Variants in NCAM1 observed in about 807,000 individuals in gnomAD.
NCAM1 encodes the protein neural cell adhesion molecule 1, also known as antigen recognized by monoclonal antibody 5.1H11.
In NCAM1, 14 loss-of-function variants were observed where a neutral mutation model predicts 109.8. The ratio of observed to expected loss-of-function variants is 0.13; its 90% confidence interval spans 0.08 to 0.20. The LOEUF is 0.20. Ranked by LOEUF, NCAM1 falls within the 10% of genes least tolerant of loss-of-function variation. NCAM1 has a pLI of 1.00. For missense variants in NCAM1, 774 were observed against 1,109.9 expected (o/e 0.70, Z 4.30); for synonymous variants, 418 against 442.9 (o/e 0.94, Z 0.70).
At position 112,982,724 on chromosome 11, in the gene NCAM1, G is replaced by C. The variant is rs560918380; in HGVS notation, c.52+21060G>C. ...ATTTAGATTTCAGGTGAGGCGCATG[G>C]TAAGAGTAAATGTCACTAGCAACAG... is the stretch of plus-strand genomic sequence containing the variant. On this transcript the variant is annotated intron_variant, in intron 1 of 19. Coordinates refer to ENST00000316851, the MANE Select transcript of NCAM1 (RefSeq NM_181351.5). 3.3e-5 allele frequency among the ~76,000 whole-genome samples: 5 copies of C among 152,002 alleles called. No individual in the cohort carries two copies. In the South Asian group the frequency reaches 8.3e-4, roughly 25 times the overall value.
At chr11:113,222,741 G>C (rs45591640) in intron 9 of NCAM1, among the ~76,000 whole-genome samples, 24 of 152,190 alleles carry the variant, frequency 1.6e-4, no homozygotes, top group Non-Finnish European at 2.6e-4. Context: ...TTATCAGGGA[G>C]CATTAAGGAG....
intron 1 of NCAM1, among the ~76,000 whole-genome samples, chr11:113,053,615 G>A (rs1344580684): frequency 9.2e-5 from 14 of 152,140 alleles, no homozygotes; most frequent in African/African-American, 2.9e-4. Flanking sequence ...CTGGTATGAG[G>A]ATGGTAAAGA....
chr11:113,068,554 A>G (rs956510568), intron 1 of NCAM1, among the ~76,000 whole-genome samples: 1 of 152,222 alleles, frequency 6.6e-6, no homozygotes, highest in East Asian at 1.9e-4. Context: ...CTGTAATCAT[A>G]TAGGTTGTTC....
intron 1 of NCAM1, among the ~76,000 whole-genome samples, chr11:113,030,890 A>C (rs188026299): frequency 1.8e-3 from 277 of 152,344 alleles, no homozygotes; most frequent in South Asian, 8.3e-3. Flanking sequence ...AGGAAGTAAT[A>C]GCTAATTTTT....
At chr11:113,051,308 T>C (rs1953479101) in intron 1 of NCAM1, among the ~76,000 whole-genome samples, 1 of 152,242 alleles carries the variant, frequency 6.6e-6, no homozygotes, top group South Asian at 2.1e-4. Flanking sequence ...TTCTTTCCCC[T>C]TTTGGTGGGA....
intron 1 of NCAM1, among the ~76,000 whole-genome samples, chr11:113,188,016 T>C (rs1943565410): frequency 6.6e-6 from 1 of 152,250 alleles, no homozygotes; most frequent in East Asian, 1.9e-4. Context: ...TGTATTCATA[T>C]AGATCAGTGC....
At chr11:113,137,161 G>T (rs1555099641) in intron 1 of NCAM1, among the ~76,000 whole-genome samples, 1 of 152,222 alleles carries the variant, frequency 6.6e-6, no homozygotes, top group African/African-American at 2.4e-5. Flanking sequence ...TTAAAAGGAG[G>T]TGGGAGCAGG....
At chr11:113,019,542 A>C (rs910369862) in intron 1 of NCAM1, among the ~76,000 whole-genome samples, 1 of 151,994 alleles carries the variant, frequency 6.6e-6, no homozygotes, top group Admixed American at 6.6e-5. Flanking sequence ...CCTTTCCTCT[A>C]TCCATCCTTA....
At chr11:113,076,836 C>T (rs550248087) in intron 1 of NCAM1, among the ~76,000 whole-genome samples, 2 of 152,266 alleles carry the variant, frequency 1.3e-5, no homozygotes, top group African/African-American at 4.8e-5. Context: ...GCATTTAATA[C>T]TCTTGATTAT....
intron 1 of NCAM1, among the ~76,000 whole-genome samples, chr11:113,050,368 C>T (rs1445092149): frequency 6.6e-6 from 1 of 152,120 alleles, no homozygotes; most frequent in Non-Finnish European, 1.5e-5. Context: ...AAATATTTAA[C>T]TTCTAGTTTT....
chr11:113,088,304 T>A (rs2135737724), intron 1 of NCAM1, among the ~76,000 whole-genome samples: 1 of 152,318 alleles, frequency 6.6e-6, no homozygotes, highest in Middle Eastern at 3.4e-3. Flanking sequence ...CATTGGTAGG[T>A]GGATTAGAAG....
chr11:113,098,456 A>AT (rs1555090846), intron 1 of NCAM1, among the ~76,000 whole-genome samples: 1 of 149,470 alleles, frequency 6.7e-6, no homozygotes, highest in Non-Finnish European at 1.5e-5. Flanking sequence ...TATTTGTATT[A>AT]TTATTATTTT....
At chr11:112,995,594 G>A (rs1197509433) in intron 1 of NCAM1, among the ~76,000 whole-genome samples, 1 of 152,202 alleles carries the variant, frequency 6.6e-6, no homozygotes, top group Non-Finnish European at 1.5e-5. Flanking sequence ...AGAGATTAAG[G>A]CACTAATTAG....
chr11:113,185,095 G>T lies in NCAM1; in HGVS notation c.53-17284G>T, dbSNP rs1435114382. Among the ~76,000 whole-genome samples, 512 of 122,930 alleles carry T rather than the reference G, an allele frequency of 4.2e-3. 2 individuals are homozygous for T. Among genetic ancestry groups the T allele is most frequent in the Admixed American group, 5.5e-3 (67 of 12,148 alleles). The allele number at this position is 122,930 out of a possible 152,430, so 80.6% of individuals were successfully genotyped here. A position where few individuals can be genotyped will look rare whatever the true frequency, so the allele number is the denominator to read the frequency against. On this transcript the variant is annotated intron_variant, in intron 1 of 19. Coordinates refer to ENST00000316851, the MANE Select transcript of NCAM1 (RefSeq NM_181351.5). ...ATATATATATAGAGAGAGAGAGAGAGAGAGAGAGAGAGAGAGAGATTTATT... is the reference window on the plus strand; with the variant it reads ...ATATATATATAGAGAGAGAGAGAGATAGAGAGAGAGAGAGAGAGATTTATT...
chr11:113,035,925 C>T (rs993643877), intron 1 of NCAM1, among the ~76,000 whole-genome samples: 4 of 152,116 alleles, frequency 2.6e-5, no homozygotes, highest in Non-Finnish European at 4.4e-5. Flanking sequence ...CACTTACCAG[C>T]CAGTTTAAGG....
intron 1 of NCAM1, among the ~76,000 whole-genome samples, chr11:113,112,531 C>G (rs918213579): frequency 6.6e-6 from 1 of 152,156 alleles, no homozygotes; most frequent in South Asian, 2.1e-4. Context: ...ACCGTGCCAC[C>G]GTGTTTCCCA....
At chr11:113,019,907 T>C (rs531675668) in intron 1 of NCAM1, among the ~76,000 whole-genome samples, 18 of 152,344 alleles carry the variant, frequency 1.2e-4, no homozygotes, top group African/African-American at 2.4e-4. Flanking sequence ...TTTTTCTGCA[T>C]CTGTGTGGTA....
chr11:113,206,481 G>A (rs1382077132), intron 5 of NCAM1, among the ~76,000 whole-genome samples: 1 of 151,644 alleles, frequency 6.6e-6, no homozygotes, highest in Non-Finnish European at 1.5e-5. Flanking sequence ...CATTGTCCTT[G>A]ATGTTACCAT....
intron 1 of NCAM1, among the ~76,000 whole-genome samples, chr11:113,114,686 C>T (rs1322782112): frequency 1.3e-5 from 2 of 152,214 alleles, no homozygotes; most frequent in Non-Finnish European, 2.9e-5. Flanking sequence ...GAGCACCTCA[C>T]TCACTGCAGT....
Sources: gnomAD v4.1 joint callset for allele counts (sites outside exome capture counted in the v4.1 genomes callset) on GRCh38, gnomAD v4.1.1 for gene constraint, MANE v1.5 for transcripts, NCBI Gene and HGNC (gene_info 2026-07-23, HGNC 2026-07-21) for gene names.